GRM7: variants seen among roughly 807,000 people sequenced by gnomAD.
GRM7 encodes glutamate metabotropic receptor 7, also known as metabotropic glutamate receptor 7.
A neutral mutation model predicts 84.5 loss-of-function variants in GRM7; 35 were observed. That is an observed-to-expected ratio of 0.41 (90% CI 0.32 to 0.55). The LOEUF (loss-of-function observed/expected upper bound fraction) is 0.55, where lower values mean the gene tolerates loss of function less well. Among genes scored for constraint, GRM7 ranks in the 20% least tolerant of loss-of-function variants. GRM7 has a pLI of 0.19. For missense variants in GRM7, 1,003 were observed against 1,194.6 expected (o/e 0.84, Z 2.36); for synonymous variants, 487 against 455.1 (o/e 1.07, Z -0.89).
rs1693481332 is a variant in GRM7 at position 6,965,529 on chromosome 3, C to G, written c.519+103622C>G. On this transcript the variant is annotated intron_variant, in intron 1 of 9. Transcript: ENST00000357716. ...TTTTTATTTTTGTAGAGATGGGGGT[C>G]TCACTATGTTGCCCAGGCTGGTCTT... Among the ~76,000 whole-genome samples, 3 of 151,872 alleles carry G rather than the reference C, an allele frequency of 2.0e-5. No individual in the cohort carries two copies. In the South Asian group the frequency reaches 6.3e-4, roughly 32 times the overall value.
intron 4 of GRM7, among the ~76,000 whole-genome samples, chr3:7,311,856 A>G (rs2125042195): frequency 6.6e-6 from 1 of 152,182 alleles, no homozygotes; most frequent in Admixed American, 6.5e-5. Context: ...CAGCCTCCCA[A>G]AGTGTTAGGA....
chr3:7,467,478 C>T (rs184707169), intron 7 of GRM7, among the ~76,000 whole-genome samples: 5 of 152,236 alleles, frequency 3.3e-5, no homozygotes, highest in Admixed American at 3.3e-4. Flanking sequence ...TCACTGTAGC[C>T]ATAGTGATAG....
At chr3:6,920,381 C>G (rs1298025124) in intron 1 of GRM7, among the ~76,000 whole-genome samples, 2 of 152,058 alleles carry the variant, frequency 1.3e-5, no homozygotes. Flanking sequence ...ATGGTGAAAC[C>G]TCATCTCTAC....
At chr3:7,057,269 G>C (rs1429293360) in intron 1 of GRM7, among the ~76,000 whole-genome samples, 2 of 151,788 alleles carry the variant, frequency 1.3e-5, no homozygotes, top group East Asian at 3.9e-4. Context: ...AATTACAATA[G>C]TTACGAATAT....
Position 7,692,363 on chromosome 3 carries a change from G to T in GRM7, c.2698+12068G>T, listed in dbSNP as rs1388010240. Among the ~76,000 whole-genome samples, 3 of 152,138 alleles carry T rather than the reference G, an allele frequency of 2.0e-5. No homozygotes were observed. The East Asian group carries it at 5.8e-4, about 29-fold the overall frequency. ...GATAGAATGATGACTGAGTGGAACA[G>T]ATTCCCTTAATTTTAGCTCATGAAA... On this transcript the variant is annotated intron_variant, in intron 9 of 9. Transcript: ENST00000357716.
At chr3:7,599,760 C>T (rs969073028) in intron 8 of GRM7, among the ~76,000 whole-genome samples, 1 of 151,982 alleles carries the variant, frequency 6.6e-6, no homozygotes, top group Non-Finnish European at 1.5e-5. Flanking sequence ...TTAATGACAA[C>T]CTGATATCAT....
chr3:7,243,422 A>C (rs1697635324), intron 2 of GRM7, among the ~76,000 whole-genome samples: 1 of 152,090 alleles, frequency 6.6e-6, no homozygotes, highest in Non-Finnish European at 1.5e-5. Flanking sequence ...GGAAGATGAC[A>C]ATCTCCTGGT....
Position 6,974,888 on chromosome 3 carries a change from G to A in GRM7, c.519+112981G>A, listed in dbSNP as rs557487048. On this transcript the variant is annotated intron_variant, in intron 1 of 9. Transcript: ENST00000357716. ...AAGAGGCAGGAATGAAATCATGGTG[G>A]AGGAGATATAGAATAAATAGATCGT... Among the ~76,000 whole-genome samples the A allele has an allele frequency of 2.0e-4, 30 of 152,266 alleles. 1 individual carries two copies. The South Asian group carries it at 5.8e-3, about 29-fold the overall frequency.
chr3:7,679,629 G>C (rs1009907907), intron 8 of GRM7, among the ~76,000 whole-genome samples: 1 of 152,156 alleles, frequency 6.6e-6, no homozygotes. Context: ...AAAGGCCCCA[G>C]AATCTCAATG....
At chr3:7,206,406 C>G (rs1374876860) in intron 2 of GRM7, among the ~76,000 whole-genome samples, 3 of 152,114 alleles carry the variant, frequency 2.0e-5, no homozygotes, top group Non-Finnish European at 4.4e-5. Flanking sequence ...TATTGCACAA[C>G]TAAATGATGT....
rs923161861 is a variant in GRM7, at chr3:7,276,207, A to ATG, written c.737-22435_737-22434dup. 6.1e-3 allele frequency among the ~76,000 whole-genome samples: 587 copies of ATG among 96,696 alleles called. 2 individuals are homozygous for ATG. The highest frequency in any genetic ancestry group is 0.017 in the East Asian group (59 of 3,556). 63.4% of individuals were successfully genotyped at this position (96,696 alleles called of 152,430 possible). A position where few individuals can be genotyped will look rare whatever the true frequency, so the allele number is the denominator to read the frequency against. ...TTTTTTAAATTATATATATATATAT[A>ATG]TGTGTGTGTGTGTGTGTGTGTGTGT... On this transcript the variant is annotated intron_variant, in intron 2 of 9. Transcript: ENST00000357716.
At chr3:7,258,964 A>G (rs1698308197) in intron 2 of GRM7, among the ~76,000 whole-genome samples, 1 of 152,262 alleles carries the variant, frequency 6.6e-6, no homozygotes, top group Non-Finnish European at 1.5e-5. Flanking sequence ...AGACTAACTT[A>G]AGATGCATAT....
chr3:7,271,375 CG>C (rs1698848734), intron 2 of GRM7, among the ~76,000 whole-genome samples: 1 of 151,530 alleles, frequency 6.6e-6, no homozygotes, highest in Non-Finnish European at 1.5e-5. Context: ...CTGGCTAACA[CG>C]GTGAAACCCC....
chr3:7,388,277 T>G (rs2125137549), intron 4 of GRM7, among the ~76,000 whole-genome samples: 1 of 152,208 alleles, frequency 6.6e-6, no homozygotes, highest in East Asian at 1.9e-4. Flanking sequence ...TTGGATGCCT[T>G]TTGTTTCTTT....
intron 4 of GRM7, among the ~76,000 whole-genome samples, chr3:7,330,094 G>A (rs1470652242): frequency 6.6e-6 from 1 of 152,082 alleles, no homozygotes; most frequent in Non-Finnish European, 1.5e-5. Context: ...GAGGCATGGG[G>A]TATCCACTTC....
intron 8 of GRM7, among the ~76,000 whole-genome samples, chr3:7,645,644 C>G (rs1698600818): frequency 1.3e-5 from 2 of 151,880 alleles, no homozygotes; most frequent in African/African-American, 4.8e-5. Flanking sequence ...TCTCTATGAG[C>G]CACAGAGTCA....
chr3:7,668,283 C>T (rs1378657913), intron 8 of GRM7, among the ~76,000 whole-genome samples: 1 of 152,110 alleles, frequency 6.6e-6, no homozygotes, highest in African/African-American at 2.4e-5. Context: ...AGGCATGGAG[C>T]CAAAGATTGG....
At chr3:7,165,457 G>A (rs896908890) in intron 2 of GRM7, among the ~76,000 whole-genome samples, 4 of 152,162 alleles carry the variant, frequency 2.6e-5, no homozygotes, top group Non-Finnish European at 4.4e-5. Flanking sequence ...TATTTTATGT[G>A]TATTTTTAGT....
chr3:6,950,784 G>T (rs1205769755), intron 1 of GRM7, among the ~76,000 whole-genome samples: 1 of 152,226 alleles, frequency 6.6e-6, no homozygotes, highest in African/African-American at 2.4e-5. Context: ...CCTTGCTGCT[G>T]CCTTGCAGTT....
Sources: gnomAD v4.1 joint callset for allele counts (sites outside exome capture counted in the v4.1 genomes callset) on GRCh38, gnomAD v4.1.1 for gene constraint, MANE v1.5 for transcripts, NCBI Gene and HGNC (gene_info 2026-07-23, HGNC 2026-07-21) for gene names.